The following SLN variants were observed in gnomAD, a reference collection of about 807,000 sequenced individuals.
The protein encoded by SLN is sarcolipin.
For missense variants in SLN, 34 were observed against 37.4 expected (o/e 0.91, Z 0.24); for synonymous variants, 19 against 14.4 (o/e 1.32, Z -0.72).
intron 1 of SLN, among the ~76,000 whole-genome samples, chr11:107,708,486 A>G (rs922377200): frequency 6.6e-6 from 1 of 152,132 alleles, no homozygotes. Flanking sequence ...TGGACTTGCC[A>G]GTCTCTGCAA....
chr11:107,708,446 C>T (rs1383895492), intron 1 of SLN, among the ~76,000 whole-genome samples: 1 of 152,130 alleles, frequency 6.6e-6, no homozygotes, highest in Admixed American at 6.6e-5. Flanking sequence ...TTCCCTAAGT[C>T]TCCAGCCTAC....
At chr11:107,711,734 C>T (rs1164563101) in intron 1 of SLN, among the ~76,000 whole-genome samples, 1 of 149,374 alleles carries the variant, frequency 6.7e-6, no homozygotes, top group Non-Finnish European at 1.5e-5. Context: ...TTCCATAATA[C>T]AAGAAAGAAA....
chr11:107,708,041 A>C, intron 1 of SLN, 36 bp from the exon 2 acceptor site: 2 of 758,468 alleles, frequency 2.6e-6, no homozygotes, highest in Non-Finnish European at 4.8e-6. Context: ...CAAGGAGATT[A>C]ATGGGCATTC....
chr11:107,708,281 G>C (rs1212223741), intron 1 of SLN, among the ~76,000 whole-genome samples: 1 of 152,074 alleles, frequency 6.6e-6, no homozygotes, highest in Non-Finnish European at 1.5e-5. Context: ...TATCAGAAGA[G>C]ATTAGGACAC....
At chr11:107,710,376 A>G (rs1388132698) in intron 1 of SLN, among the ~76,000 whole-genome samples, 2 of 152,240 alleles carry the variant, frequency 1.3e-5, no homozygotes, top group Non-Finnish European at 2.9e-5. Flanking sequence ...AGAAAATGAG[A>G]AAAATACTAT....
intron 1 of SLN, among the ~76,000 whole-genome samples, chr11:107,710,912 T>C (rs575152708): frequency 3.3e-4 from 50 of 152,336 alleles, no homozygotes; most frequent in African/African-American, 1.0e-3. Flanking sequence ...ATATATGAAC[T>C]ATAGCTACAC....
chr11:107,709,671 A>T (rs1199189908), intron 1 of SLN, among the ~76,000 whole-genome samples: 6 of 152,022 alleles, frequency 3.9e-5, no homozygotes, highest in Non-Finnish European at 7.4e-5. Context: ...ACATAATGAG[A>T]CCCTGTCTCA....
Position 107,707,787 on chromosome 11 carries a change from G to T in SLN, c.*48C>A. 1.4e-6 allele frequency: 2 copies of T among 1,408,062 alleles called. No individual in the cohort carries two copies. The highest frequency in any genetic ancestry group is 1.0e-6 in the Non-Finnish European group (1 of 993,994). The allele number at this position is 1,408,062 out of a possible 1,614,324, so 87.2% of individuals were successfully genotyped here. Reference sequence around the variant, plus strand: ...CAGTGGGGTCTCAGGGCATAGAGCAGGCAGCTCCGGAGCATCTCAGTCAAT... The same window carrying T: ...CAGTGGGGTCTCAGGGCATAGAGCATGCAGCTCCGGAGCATCTCAGTCAAT... On this transcript the variant is annotated 3_prime_UTR_variant, in exon 2 of 2. Transcript: ENST00000305991.
At chr11:107,711,605 T>C (rs1376755644) in intron 1 of SLN, among the ~76,000 whole-genome samples, 1 of 152,184 alleles carries the variant, frequency 6.6e-6, no homozygotes, top group Non-Finnish European at 1.5e-5. Context: ...TCATGCCATA[T>C]GATCCAGTGA....
chr11:107,710,357 G>T (rs1867199239), intron 1 of SLN, among the ~76,000 whole-genome samples: 1 of 152,190 alleles, frequency 6.6e-6, no homozygotes, highest in Non-Finnish European at 1.5e-5. Context: ...GATCCAACAG[G>T]ATATACTCAG....
intron 1 of SLN, among the ~76,000 whole-genome samples, chr11:107,710,107 G>C (rs545851321): frequency 3.4e-4 from 52 of 152,358 alleles, no homozygotes; most frequent in African/African-American, 1.1e-3. Flanking sequence ...GTCTTGCCAA[G>C]GTGCCTGGAG....
intron 1 of SLN, among the ~76,000 whole-genome samples, chr11:107,708,664 C>T (rs75689476): frequency 6.1e-4 from 93 of 152,280 alleles, no homozygotes; most frequent in Non-Finnish European, 1.1e-3. Flanking sequence ...CTGTGATGAT[C>T]GTATTGGTGC....
intron 1 of SLN, among the ~76,000 whole-genome samples, chr11:107,710,765 A>G (rs2135743518): frequency 6.6e-6 from 1 of 152,372 alleles, no homozygotes; most frequent in East Asian, 1.9e-4. Flanking sequence ...CGTGCGTGCC[A>G]GGTTACATAA....
intron 1 of SLN, among the ~76,000 whole-genome samples, chr11:107,710,062 G>A (rs1158142016): frequency 5.9e-5 from 9 of 152,216 alleles, no homozygotes; most frequent in Admixed American, 1.3e-4. Context: ...TTATGAGAAT[G>A]TACAAAAGAG....
At chr11:107,708,116 T>C (rs974012693) in intron 1 of SLN, 111 bp from the exon 2 acceptor site, 12 of 596,596 alleles carry the variant, frequency 2.0e-5, no homozygotes, top group East Asian at 5.6e-5. Context: ...GAGAGTGTGA[T>C]GGGCTAAATT....
In SLN at chr11:107,707,963, AT is replaced by A; in HGVS notation, c.-34del. The stretch of plus-strand genomic sequence containing the variant: ...GCGGCTTGGTGAGAACTGCAGGCAG[AT>A]TTCTGAGGGCACACCAAGGACCTCT... On this transcript the variant is annotated 5_prime_UTR_variant, in exon 2 of 2. Transcript: ENST00000305991. 1.3e-6 allele frequency: 2 copies of A among 1,513,326 alleles called. No homozygotes were observed. The highest frequency in any genetic ancestry group is 1.8e-6 in the Non-Finnish European group (2 of 1,087,956). The allele number at this position is 1,513,326 out of a possible 1,614,324, so 93.7% of individuals were successfully genotyped here.
At chr11:107,709,909 G>A (rs1287888037) in intron 1 of SLN, among the ~76,000 whole-genome samples, 2 of 152,302 alleles carry the variant, frequency 1.3e-5, no homozygotes, top group South Asian at 2.1e-4. Context: ...CTTGAGCCTA[G>A]GAGTTCAAGA....
At chr11:107,708,488 T>C (rs554765141) in intron 1 of SLN, among the ~76,000 whole-genome samples, 1 of 152,190 alleles carries the variant, frequency 6.6e-6, no homozygotes, top group African/African-American at 2.4e-5. Flanking sequence ...GACTTGCCAG[T>C]CTCTGCAATC....
chr11:107,708,430 G>A (rs1867177962), intron 1 of SLN, among the ~76,000 whole-genome samples: 1 of 152,052 alleles, frequency 6.6e-6, no homozygotes, highest in Non-Finnish European at 1.5e-5. Context: ...TCTTTGGACT[G>A]GAGACTTCCC....
Sources: gnomAD v4.1 joint callset for allele counts (sites outside exome capture counted in the v4.1 genomes callset) on GRCh38, gnomAD v4.1.1 for gene constraint, MANE v1.5 for transcripts, NCBI Gene and HGNC (gene_info 2026-07-23, HGNC 2026-07-21) for gene names.